Variants in DELE1 observed in about 807,000 individuals in gnomAD.
DELE1 encodes death ligand signal enhancer.
Under a neutral mutation model 59.3 loss-of-function variants are expected in DELE1, and 54 were observed. The observed-to-expected ratio is 0.91, with a 90% CI of 0.73 to 1.14. The LOEUF (loss-of-function observed/expected upper bound fraction) is 1.14. Ranked by LOEUF, DELE1 falls within the 50% of genes most tolerant of loss-of-function variation. The pLI is 0.00. For missense variants in DELE1, 636 were observed against 643.9 expected (o/e 0.99, Z 0.13); for synonymous variants, 264 against 259.1 (o/e 1.02, Z -0.18).
chr5:141,925,255 G>A (rs1751301984), intron 2 of DELE1, among the ~76,000 whole-genome samples, 155 bp from the exon 3 acceptor site: 1 of 152,114 alleles, frequency 6.6e-6, no homozygotes, highest in African/African-American at 2.4e-5. Flanking sequence ...TAGAGATGGG[G>A]TTTCACCATC....
At position 141,937,183 on chromosome 5, in the gene DELE1, C is replaced by G; in HGVS notation, c.1150-15C>G. The G allele has an allele frequency of 6.2e-7, 1 of 1,613,792 alleles. No homozygotes were observed. The highest frequency in any genetic ancestry group is 8.5e-7 in the Non-Finnish European group (1 of 1,179,758). Reference sequence around the variant, plus strand: ...TGCATGTGTGTATCTGTTTGTCTGTCCATTTTCTCCTTAGGACTCACAGAG... The same window carrying G: ...TGCATGTGTGTATCTGTTTGTCTGTGCATTTTCTCCTTAGGACTCACAGAG... On this transcript the variant is annotated splice_polypyrimidine_tract_variant and intron_variant, in intron 10 of 11. Coordinates refer to ENST00000432126, the MANE Select transcript of DELE1 (RefSeq NM_014773.5).
At chr5:141,927,012 C>T (rs1201729754) in intron 3 of DELE1, among the ~76,000 whole-genome samples, 1 of 152,248 alleles carries the variant, frequency 6.6e-6, no homozygotes, top group Admixed American at 6.5e-5. Context: ...CTTTCCCTGA[C>T]TCCTTGTCTT....
At chr5:141,930,332 G>A in intron 7 of DELE1, 58 bp downstream of exon 7, 2 of 1,260,640 alleles carry the variant, frequency 1.6e-6, no homozygotes, top group Non-Finnish European at 1.2e-6. Context: ...AGGGTATGGG[G>A]TAGCTCAGAT....
chr5:141,930,103 C>A, intron 6 of DELE1, 29 bp downstream of exon 6: 1 of 1,608,672 alleles, frequency 6.2e-7, no homozygotes, highest in Non-Finnish European at 8.5e-7. Flanking sequence ...CACCTGGATC[C>A]CCATAACATT....
At chr5:141,936,763 C>G (rs1384094134) in intron 10 of DELE1, 1 of 570,300 alleles carries the variant, frequency 1.8e-6, no homozygotes. Flanking sequence ...AGAAGAGTTT[C>G]CTTTTCTGTC....
Position 141,930,063 on chromosome 5 carries a change from A to C in DELE1, c.646A>C (p.Thr216Pro). 6.2e-7 allele frequency: 1 copy of C among 1,614,164 alleles called. No homozygotes were observed. Among genetic ancestry groups the C allele is most frequent in the Non-Finnish European group, 8.5e-7 (1 of 1,180,004 alleles). The change falls in exon 6 of 12, where the codon ACT (threonine) becomes CCT (proline). Residue 216 changes from threonine (T) to proline (P), a missense_variant. By Grantham distance (38) the Thr-to-Pro change is conservative. Coordinates refer to ENST00000432126, the MANE Select transcript of DELE1 (RefSeq NM_014773.5). ...GGCAAAACCAGCCCAGCCTCAGCCC[A>C]CTGGTGAAAAGGTATTATCCAGATT... ...SEAKPAQPQP[T>P]GEKEQDKSKT...
Position 141,941,872 on chromosome 5 carries a change from A to G in DELE1, c.*3113A>G. The stretch of plus-strand genomic sequence containing the variant: ...GCCCAGCACCAAGCCTACCCAGCAC[A>G]TAGTAGGTACTTTAAGTAATTTGAA... On this transcript the variant is annotated 3_prime_UTR_variant, in exon 12 of 12. Transcript: ENST00000432126. The G allele has an allele frequency of 1.0e-6, 1 of 985,310 alleles. No individual in the cohort carries two copies. The highest frequency in any genetic ancestry group is 1.2e-6 in the Non-Finnish European group (1 of 829,836). The allele number at this position is 985,310 out of a possible 1,614,324, so 61.0% of individuals were successfully genotyped here. A position where few individuals can be genotyped will look rare whatever the true frequency, so the allele number is the denominator to read the frequency against.
chr5:141,930,084 A>G lies in DELE1; in HGVS notation c.657+10A>G. On this transcript the variant is annotated intron_variant, in intron 6 of 11. Coordinates refer to ENST00000432126, the MANE Select transcript of DELE1 (RefSeq NM_014773.5). ...GCCCACTGGTGAAAAGGTATTATCC[A>G]GATTTGGCCACCTGGATCCCCATAA... The G allele has an allele frequency of 1.2e-6, 2 of 1,613,788 alleles. No homozygotes were observed. The highest frequency in any genetic ancestry group is 2.2e-5 in the South Asian group (2 of 91,060).
At chr5:141,927,190 A>T (rs1356845159) in intron 3 of DELE1, among the ~76,000 whole-genome samples, 1 of 152,204 alleles carries the variant, frequency 6.6e-6, no homozygotes, top group African/African-American at 2.4e-5. Context: ...TTGCTATTGT[A>T]TGCAGTGCCT....
chr5:141,930,855 A>G (rs1182099956), intron 7 of DELE1, among the ~76,000 whole-genome samples: 1 of 152,148 alleles, frequency 6.6e-6, no homozygotes, highest in East Asian at 1.9e-4. Flanking sequence ...GCGGAGACTC[A>G]GACTCCCCAC....
Position 141,929,674 on chromosome 5 carries a change from G to A in DELE1, c.505G>A (p.Ala169Thr). 1 of 1,614,234 alleles carries A rather than the reference G, an allele frequency of 6.2e-7. No individual in the cohort carries two copies. The highest frequency in any genetic ancestry group is 8.5e-7 in the Non-Finnish European group (1 of 1,180,044). The change falls in exon 5 of 12, where the codon GCT becomes ACT. Residue 169 changes from alanine (A) to threonine (T), a missense_variant. By Grantham distance (58) the Ala-to-Thr change is moderately conservative (BLOSUM62 0). Coordinates refer to ENST00000432126, the MANE Select transcript of DELE1 (RefSeq NM_014773.5). ...EPRLGQEEAS[A>T]QPRNFSHNSL... ...CAGGCTTGGCCAGGAAGAAGCCTCA[G>A]CTCAGCCCCGGAACTTCTCACACAA... is the stretch of plus-strand genomic sequence containing the variant.
At chr5:141,933,988 T>TA (rs1210616215) in intron 8 of DELE1, 2 of 320,264 alleles carry the variant, frequency 6.2e-6, no homozygotes, top group Non-Finnish European at 1.1e-5. Flanking sequence ...GTCTAACACA[T>TA]ATATGTGAGA....
intron 11 of DELE1, among the ~76,000 whole-genome samples, chr5:141,937,558 CAGG>C (rs1277534696): frequency 2.6e-5 from 4 of 152,018 alleles, no homozygotes; most frequent in Admixed American, 1.3e-4. Context: ...ATCACCAGGT[CAGG>C]AGATCGAGAC....
At position 141,933,331 on chromosome 5, in the gene DELE1, A is replaced by C; in HGVS notation, c.827A>C (p.Tyr276Ser). 6.4e-7 allele frequency: 1 copy of C among 1,567,884 alleles called. No individual in the cohort carries two copies. The highest frequency in any genetic ancestry group is 1.7e-5 in the Admixed American group (1 of 58,496). The change falls in exon 8 of 12, where the codon TAC (tyrosine) becomes TCC (serine). Residue 276 changes from tyrosine (Y) to serine (S), a missense_variant. Physicochemically the swap from Tyr to Ser is moderately radical, Grantham distance 144 (BLOSUM62 -2). Transcript: ENST00000432126. ...SYFQKAAARG[Y>S]SKAQYNAGLC... ...TTCCAGAAAGCTGCAGCCCGCGGCT[A>C]CAGCAAAGCGCAGTACAATGCGGGC...
At position 141,923,878 on chromosome 5, in the gene DELE1, G is replaced by T; in HGVS notation, c.-64G>T. 1 of 1,559,552 alleles carries T rather than the reference G, an allele frequency of 6.4e-7. No individual in the cohort carries two copies. Among genetic ancestry groups the T allele is most frequent in the Non-Finnish European group, 8.7e-7 (1 of 1,151,184 alleles). On this transcript the variant is annotated 5_prime_UTR_variant, in exon 1 of 12. Transcript: ENST00000432126. ...TCGGGGCATCGCGGCGGCCTTTCTA[G>T]CCGCTGTCCCAAGGGTTGGTCTCGC...
rs138061057 is a variant in DELE1, at chr5:141,939,405, G to C, written c.*646G>C. Reference sequence around the variant, plus strand: ...TGGTTCCATGAATGGCTGACACTTAGGAAACTCTGAATTAGGCCATCCTCG... The same window carrying C: ...TGGTTCCATGAATGGCTGACACTTACGAAACTCTGAATTAGGCCATCCTCG... On this transcript the variant is annotated 3_prime_UTR_variant, in exon 12 of 12. Transcript: ENST00000432126. 1 of 985,732 alleles carries C rather than the reference G, an allele frequency of 1.0e-6. No individual in the cohort carries two copies. 61.1% of individuals were successfully genotyped at this position (985,732 alleles called of 1,614,324 possible).
intron 10 of DELE1, among the ~76,000 whole-genome samples, chr5:141,935,504 C>T (rs1055610776): frequency 1.3e-5 from 2 of 152,234 alleles, no homozygotes; most frequent in African/African-American, 4.8e-5. Flanking sequence ...TAGGGGACTG[C>T]TGCTTCCTTT....
At chr5:141,929,818 G>A (rs1751752644) in intron 5 of DELE1, 78 bp downstream of exon 5, 3 of 1,577,252 alleles carry the variant, frequency 1.9e-6, no homozygotes, top group South Asian at 1.1e-5. Context: ...GTTGTTTGCT[G>A]CGAAGGGAAT....
chr5:141,927,453 C>G (rs1255723750), intron 3 of DELE1, among the ~76,000 whole-genome samples: 2 of 152,180 alleles, frequency 1.3e-5, no homozygotes, highest in African/African-American at 2.4e-5. Flanking sequence ...CTCAGCCTCC[C>G]AAGTGCTGGG....
Sources: allele counts gnomAD v4.1 joint callset (sites outside exome capture counted in the v4.1 genomes callset), GRCh38; gene constraint gnomAD v4.1.1; transcripts MANE v1.5; gene names NCBI Gene and HGNC (gene_info 2026-07-23, HGNC 2026-07-21).